The following ZBTB7C variants were observed in gnomAD, a reference collection of about 807,000 sequenced individuals.
The protein encoded by ZBTB7C is zinc finger and BTB domain containing 7C.
ZBTB7C carries 8 observed loss-of-function variants against 25.7 expected under a neutral mutation model. The observed-to-expected ratio is 0.31, with a 90% CI of 0.18 to 0.56. The LOEUF is 0.56. ZBTB7C is among the 20% of genes least tolerant of loss of function. The pLI is 0.91. For synonymous variants in ZBTB7C, 394 were observed against 369.0 expected, an observed-to-expected ratio of 1.07 and a Z score of -0.78; for missense variants, 824 against 855.2, an observed-to-expected ratio of 0.96 and a Z score of 0.46.
intron 3 of ZBTB7C, among the ~76,000 whole-genome samples, chr18:48,110,760 C>T (rs1305582147): frequency 6.6e-6 from 1 of 152,260 alleles, no homozygotes. Context: ...CCGGGTCCAC[C>T]TGCACCAGCT....
chr18:48,110,018 C>T (rs935333235), intron 3 of ZBTB7C, among the ~76,000 whole-genome samples: 2 of 151,816 alleles, frequency 1.3e-5, no homozygotes, highest in Non-Finnish European at 2.9e-5. Flanking sequence ...ACCACAGGCC[C>T]ATAGGCAGAT....
intron 3 of ZBTB7C, among the ~76,000 whole-genome samples, chr18:48,159,795 A>G (rs1014261601): frequency 4.6e-5 from 7 of 152,196 alleles, no homozygotes; most frequent in African/African-American, 1.7e-4. Context: ...ATAGTAGTCA[A>G]TGCCCAGCAG....
chr18:48,106,271 G>C (rs2039023338), intron 3 of ZBTB7C, among the ~76,000 whole-genome samples: 1 of 151,678 alleles, frequency 6.6e-6, no homozygotes, highest in South Asian at 2.1e-4. Context: ...CCCCTGACAA[G>C]CTCCTTCAGC....
At chr18:48,392,897 G>A (rs977242507) in intron 1 of ZBTB7C, among the ~76,000 whole-genome samples, 8 of 152,150 alleles carry the variant, frequency 5.3e-5, no homozygotes, top group East Asian at 3.9e-4. Flanking sequence ...CTGGGAGACC[G>A]CGATCCAGTC....
At chr18:48,308,755 A>G (rs1330684173) in intron 2 of ZBTB7C, among the ~76,000 whole-genome samples, 1 of 152,128 alleles carries the variant, frequency 6.6e-6, no homozygotes, top group Non-Finnish European at 1.5e-5. Flanking sequence ...AGTGGTTCTT[A>G]AATTATGGTC....
rs530630941 is a variant in ZBTB7C at position 48,029,448 on chromosome 18, GCTT to G, written c.1669_1671del (p.Lys557del). ...GCCTCCAGCTGCGCGCGCCCGAACA[GCTT>G]CATCTGTGTCTCCTCGAACTGCCGC... On this transcript the variant is annotated inframe_deletion, in exon 5 of 5. Coordinates refer to ENST00000590800, the MANE Select transcript of ZBTB7C (RefSeq NM_001318841.2). 172 of 1,597,008 alleles carry G rather than the reference GCTT, an allele frequency of 1.1e-4. 1 individual carries two copies. The African/African-American group carries it at 2.0e-3, about 19-fold the overall frequency.
intron 1 of ZBTB7C, among the ~76,000 whole-genome samples, chr18:48,377,792 T>A (rs2047555071): frequency 6.6e-6 from 1 of 152,152 alleles, no homozygotes; most frequent in Admixed American, 6.5e-5. Context: ...ACCACCCCCA[T>A]TTAAACTGCA....
chr18:48,115,952 A>G (rs1336681881), intron 3 of ZBTB7C, among the ~76,000 whole-genome samples: 1 of 152,072 alleles, frequency 6.6e-6, no homozygotes, highest in Non-Finnish European at 1.5e-5. Context: ...TTGAGTCACT[A>G]TTTAGCACTT....
At chr18:48,322,282 A>G (rs2046114272) in intron 2 of ZBTB7C, among the ~76,000 whole-genome samples, 1 of 152,144 alleles carries the variant, frequency 6.6e-6, no homozygotes, top group Non-Finnish European at 1.5e-5. Context: ...AGGCTGTCCC[A>G]GGCATTGCAG....
At chr18:48,141,569 G>A (rs997076683) in intron 3 of ZBTB7C, among the ~76,000 whole-genome samples, 1 of 151,216 alleles carries the variant, frequency 6.6e-6, no homozygotes, top group Non-Finnish European at 1.5e-5. Context: ...CTGGGCGGGG[G>A]GGAAAGTAAC....
At chr18:48,108,185 A>C (rs1013205502) in intron 3 of ZBTB7C, among the ~76,000 whole-genome samples, 11 of 152,170 alleles carry the variant, frequency 7.2e-5, no homozygotes, top group Middle Eastern at 6.3e-3. Context: ...AGACTCATGG[A>C]TGGGACAGGA....
intron 1 of ZBTB7C, among the ~76,000 whole-genome samples, chr18:48,348,400 C>G (rs555587704): frequency 6.6e-6 from 1 of 152,348 alleles, no homozygotes; most frequent in South Asian, 2.1e-4. Flanking sequence ...CCTCACCTAC[C>G]TCATTCCAAA....
At chr18:48,294,358 C>T (rs1454268691) in intron 2 of ZBTB7C, among the ~76,000 whole-genome samples, 1 of 151,592 alleles carries the variant, frequency 6.6e-6, no homozygotes, top group Non-Finnish European at 1.5e-5. Flanking sequence ...CCCCCACCCC[C>T]ACTCCCAGGC....
intron 3 of ZBTB7C, among the ~76,000 whole-genome samples, chr18:48,066,748 G>C (rs2037343704): frequency 6.6e-6 from 1 of 152,198 alleles, no homozygotes; most frequent in African/African-American, 2.4e-5. Context: ...AGCTCTCACT[G>C]TGTTGCCATT....
At chr18:48,207,623 A>ATCT (rs778992274) in intron 2 of ZBTB7C, among the ~76,000 whole-genome samples, 1 of 143,854 alleles carries the variant, frequency 7.0e-6, no homozygotes, top group African/African-American at 2.5e-5. Context: ...CTATCCATCT[A>ATCT]AAATATATTC....
chr18:48,094,047 A>G (rs1408470079), intron 3 of ZBTB7C, among the ~76,000 whole-genome samples: 1 of 152,200 alleles, frequency 6.6e-6, no homozygotes, highest in Non-Finnish European at 1.5e-5. Flanking sequence ...CGACAGAGCG[A>G]GACTCCATCT....
intron 3 of ZBTB7C, among the ~76,000 whole-genome samples, chr18:48,121,583 A>G (rs1170634141): frequency 1.3e-5 from 2 of 152,234 alleles, no homozygotes; most frequent in Admixed American, 6.5e-5. Context: ...CAGTGGCTCT[A>G]TGAGGGTGTC....
chr18:48,150,795 T>C (rs1370552006), intron 3 of ZBTB7C: 1 of 152,142 alleles, frequency 6.6e-6, no homozygotes, highest in African/African-American at 2.4e-5. Context: ...AAATTTGAAG[T>C]CCCTGATAAA....
chr18:48,189,075 A>G (rs1599064859), intron 2 of ZBTB7C, among the ~76,000 whole-genome samples: 1 of 152,244 alleles, frequency 6.6e-6, no homozygotes, highest in African/African-American at 2.4e-5. Flanking sequence ...GCTGTAGCTC[A>G]GGGCTGAGCA....
Sources: allele counts gnomAD v4.1 joint callset (sites outside exome capture counted in the v4.1 genomes callset), GRCh38; gene constraint gnomAD v4.1.1; transcripts MANE v1.5; gene names NCBI Gene and HGNC (gene_info 2026-07-23, HGNC 2026-07-21).